The following SLC14A2 variants were observed in gnomAD, a reference collection of about 807,000 sequenced individuals.
SLC14A2 encodes the protein solute carrier family 14 member 2, also known as urea transporter 2.
Under a neutral mutation model 104.6 loss-of-function variants are expected in SLC14A2, and 91 were observed. The observed-to-expected ratio is 0.87, with a 90% CI of 0.73 to 1.04. The LOEUF is 1.04. Among genes scored for constraint, SLC14A2 ranks in the 50% least tolerant of loss-of-function variants. SLC14A2 has a pLI of 0.00. For missense variants in SLC14A2, 1,189 were observed against 1,156.0 expected (o/e 1.03, Z -0.41); for synonymous variants, 476 against 466.4 (o/e 1.02, Z -0.27).
In SLC14A2 at chr18:45,578,765, C is replaced by T. The variant is rs528962322; in HGVS notation, c.-34-45866C>T. On this transcript the variant is annotated intron_variant, in intron 2 of 20. Transcript: ENST00000586448. ...TCCAACAATGGAGATAATTATTACT[C>T]CTGTCCTTTTCTCTCACAGAGTGTA... 2.4e-4 allele frequency among the ~76,000 whole-genome samples: 37 copies of T among 152,346 alleles called. No homozygotes were observed. The South Asian group carries it at 6.6e-3, about 27-fold the overall frequency.
At chr18:45,335,224 C>G (rs535147932) in intron 1 of SLC14A2, among the ~76,000 whole-genome samples, 1 of 152,288 alleles carries the variant, frequency 6.6e-6, no homozygotes, top group East Asian at 1.9e-4. Flanking sequence ...AGCTTTTTGT[C>G]ACAACAGATG....
intron 1 of SLC14A2, chr18:45,423,969 A>G (rs954031460): frequency 3.3e-5 from 5 of 152,166 alleles, no homozygotes; most frequent in Admixed American, 6.6e-5. Flanking sequence ...TTGGTTTTCT[A>G]CAATAGAGAA....
At chr18:45,286,182 G>A (rs1283240060) in intron 1 of SLC14A2, among the ~76,000 whole-genome samples, 2 of 152,142 alleles carry the variant, frequency 1.3e-5, no homozygotes, top group Non-Finnish European at 2.9e-5. Context: ...AAACACTCAA[G>A]CTCTCACCTG....
At chr18:45,202,420 A>C in the SLC14A2 span, among the ~76,000 whole-genome samples, 1 of 152,204 alleles carries the variant, frequency 6.6e-6, no homozygotes, top group South Asian at 2.1e-4. Flanking sequence ...TGTTCAAAGG[A>C]AACAGTGAAT....
intron 18 of SLC14A2, among the ~76,000 whole-genome samples, chr18:45,675,859 G>C (rs2046222663): frequency 1.3e-5 from 2 of 151,852 alleles, no homozygotes; most frequent in South Asian, 4.2e-4. Flanking sequence ...AGAAAACCTG[G>C]AACACGTAGT....
intron 2 of SLC14A2, among the ~76,000 whole-genome samples, chr18:45,605,859 G>A (rs7237238): frequency 0.73 from 110,310 of 151,996 alleles, 40,241 homozygotes; most frequent in East Asian, 0.85. Context: ...CCAGAAGGGT[G>A]ATGAAGGAAG....
chr18:45,652,171 G>A (rs1033995942), intron 10 of SLC14A2, among the ~76,000 whole-genome samples: 6 of 152,228 alleles, frequency 3.9e-5, no homozygotes, highest in Non-Finnish European at 7.3e-5. Flanking sequence ...GGGGCTGGCA[G>A]TTTCAGTATG....
chr18:45,307,361 T>G (rs1259942521), intron 1 of SLC14A2, among the ~76,000 whole-genome samples: 3 of 137,354 alleles, frequency 2.2e-5, no homozygotes, highest in Non-Finnish European at 4.6e-5. Flanking sequence ...GAGGTTGCAG[T>G]GAGCCGAGAT....
chr18:45,544,004 T>C (rs930052480), intron 2 of SLC14A2, among the ~76,000 whole-genome samples: 18 of 152,236 alleles, frequency 1.2e-4, no homozygotes, highest in Admixed American at 2.0e-4. Context: ...TTTACACTTA[T>C]CACAACCCAA....
At chr18:45,643,211 C>G (rs751988921) in intron 9 of SLC14A2, 30 bp downstream of exon 9, 1 of 1,600,550 alleles carries the variant, frequency 6.2e-7, no homozygotes, top group Non-Finnish European at 8.6e-7. Context: ...AACACTACCC[C>G]AAAGTGCTCT....
intron 1 of SLC14A2, among the ~76,000 whole-genome samples, chr18:45,451,362 A>G (rs2086854890): frequency 6.6e-6 from 1 of 152,220 alleles, no homozygotes; most frequent in Non-Finnish European, 1.5e-5. Context: ...TAAAAGTATC[A>G]GAAAGCAATT....
intron 1 of SLC14A2, among the ~76,000 whole-genome samples, chr18:45,466,108 TTGCAACGAGCCC>T (rs2087136517): frequency 6.6e-6 from 1 of 152,024 alleles, no homozygotes; most frequent in African/African-American, 2.4e-5. Flanking sequence ...TATCCCCAAT[TTGCAACGAGCCC>T]TGCAGCCTGA....
chr18:45,644,084 C>T lies in SLC14A2; in HGVS notation c.1275C>T (p.Ser425=), dbSNP rs1203923897. 2.6e-5 allele frequency: 42 copies of T among 1,614,108 alleles called. No homozygotes were observed. Among genetic ancestry groups the T allele is most frequent in the Non-Finnish European group, 3.6e-5 (42 of 1,180,032 alleles). ...NNPAIFRLPL[S]KVTYPEANRI... ...CAGCCATCTTCAGACTCCCACTCAG[C>T]AAAGTCACCTACCCCGAGGCCAACC... Residue 425 remains serine (S), a synonymous_variant, in exon 10 of 20, where the codon AGC becomes AGT. Coordinates refer to ENST00000255226, the MANE Select transcript of SLC14A2 (RefSeq NM_007163.4).
intron 1 of SLC14A2, among the ~76,000 whole-genome samples, chr18:45,250,949 GAGTT>G (rs1390583335): frequency 6.6e-6 from 1 of 152,092 alleles, no homozygotes; most frequent in Non-Finnish European, 1.5e-5. Flanking sequence ...TCCTCTGAAA[GAGTT>G]AGCAGAAGGC....
At chr18:45,177,887 A>AGGC in the SLC14A2 span, among the ~76,000 whole-genome samples, 1 of 152,186 alleles carries the variant, frequency 6.6e-6, no homozygotes, top group African/African-American at 2.4e-5. Flanking sequence ...TTTTAGATGA[A>AGGC]GGCAGAGTAA....
chr18:45,173,609 C>A, the SLC14A2 span, among the ~76,000 whole-genome samples: 1 of 152,004 alleles, frequency 6.6e-6, no homozygotes, highest in South Asian at 2.1e-4. Context: ...AGTGAAGAGG[C>A]CAATAAGTTG....
chr18:45,593,210 G>A (rs2044675232), intron 2 of SLC14A2, among the ~76,000 whole-genome samples: 1 of 151,676 alleles, frequency 6.6e-6, no homozygotes, highest in Admixed American at 6.6e-5. Context: ...CCAGCTACTC[G>A]GGAGGCTGAG....
At chr18:45,452,504 CA>C (rs1415667432) in intron 1 of SLC14A2, among the ~76,000 whole-genome samples, 1 of 152,138 alleles carries the variant, frequency 6.6e-6, no homozygotes, top group Non-Finnish European at 1.5e-5. Context: ...ATTTTAGGTT[CA>C]GGGGAAACAA....
chr18:45,382,014 C>G (rs914804997), intron 1 of SLC14A2, among the ~76,000 whole-genome samples: 1 of 152,164 alleles, frequency 6.6e-6, no homozygotes, highest in Admixed American at 6.5e-5. Flanking sequence ...GCACCCTCCC[C>G]CTAACAGCTT....
Sources: gnomAD v4.1 joint callset for allele counts (sites outside exome capture counted in the v4.1 genomes callset) on GRCh38, gnomAD v4.1.1 for gene constraint, MANE v1.5 for transcripts, NCBI Gene and HGNC (gene_info 2026-07-23, HGNC 2026-07-21) for gene names.